The following LEMD3 variants were observed in gnomAD, a reference collection of about 807,000 sequenced individuals.
The protein encoded by LEMD3 is inner nuclear membrane protein Man1.
A neutral mutation model predicts 95.2 loss-of-function variants in LEMD3; 33 were observed. The ratio of observed to expected loss-of-function variants is 0.35; its 90% CI spans 0.26 to 0.46. The LOEUF (loss-of-function observed/expected upper bound fraction) is 0.46. Ranked by LOEUF, LEMD3 falls within the 20% of genes least tolerant of loss-of-function variation. The pLI is 1.00. For synonymous variants in LEMD3, 525 were observed against 474.6 expected, an observed-to-expected ratio of 1.11 and a Z score of -1.38; for missense variants, 1,210 against 1,192.8, an observed-to-expected ratio of 1.01 and a Z score of -0.21.
rs1185747176 is a variant in LEMD3, at chr12:65,238,361, TC to T, written c.1696-140del. 5 of 627,702 alleles carry T rather than the reference TC, an allele frequency of 8.0e-6. No individual in the cohort carries two copies. In the East Asian group the frequency reaches 8.5e-5, roughly 11 times the overall value. The allele number at this position is 627,702 out of a possible 1,614,324, so 38.9% of individuals were successfully genotyped here. A position where few individuals can be genotyped will look rare whatever the true frequency, so the allele number is the denominator to read the frequency against. On this transcript the variant is annotated intron_variant, in intron 4 of 12. Coordinates refer to ENST00000308330, the MANE Select transcript of LEMD3 (RefSeq NM_014319.5). ...TAACTTTTTTTTTCTTTTTTCTCAT[TC>T]TTTTTAAAATTTTCTGTAATGAATA... is the stretch of plus-strand genomic sequence containing the variant.
chr12:65,238,165 C>G (rs1040483279), intron 4 of LEMD3, among the ~76,000 whole-genome samples: 1 of 152,104 alleles, frequency 6.6e-6, no homozygotes, highest in African/African-American at 2.4e-5. Context: ...ATCCCAACTA[C>G]TTGGGAGGCT....
chr12:65,218,558 A>G lies in LEMD3; in HGVS notation c.1634A>G (p.His545Arg). 1 of 1,601,912 alleles carries G rather than the reference A, an allele frequency of 6.2e-7. No individual in the cohort carries two copies. Among genetic ancestry groups the G allele is most frequent in the Non-Finnish European group, 8.5e-7 (1 of 1,171,166 alleles). Residue 545 changes from histidine (H) to arginine (R), a missense_variant, in exon 4 of 13, where the codon CAT (histidine) becomes CGT (arginine). Coordinates refer to ENST00000308330, the MANE Select transcript of LEMD3 (RefSeq NM_014319.5). ...HDRLAQLAGD[H>R]ECGSSSQRTL... ...AATATGCTAATCTTTCCAGGAGATCATGAATGTGGCAGTTCTAGTCAAAGA... is the reference window on the plus strand; with the variant it reads ...AATATGCTAATCTTTCCAGGAGATCGTGAATGTGGCAGTTCTAGTCAAAGA...
chr12:65,228,229 C>T (rs1456062364), intron 4 of LEMD3, among the ~76,000 whole-genome samples: 1 of 151,944 alleles, frequency 6.6e-6, no homozygotes, highest in East Asian at 1.9e-4. Flanking sequence ...CTAAGCCAGG[C>T]AGCAATAGAG....
Position 65,170,933 on chromosome 12 carries a change from T to C in LEMD3, c.1337T>C (p.Leu446Pro). The C allele has an allele frequency of 6.2e-7, 1 of 1,614,206 alleles. No homozygotes were observed. The highest frequency in any genetic ancestry group is 8.5e-7 in the Non-Finnish European group (1 of 1,180,042). Residue 446 changes from leucine to proline, a missense_variant, in exon 1 of 13, where the codon CTT becomes CCT. By Grantham distance (98) the Leu-to-Pro change is moderately conservative. Around this residue, in one of 2 missense-constraint regions of LEMD3, gnomAD observed 749 missense variants for 622.9 expected, o/e 1.20. Transcript: ENST00000308330. The part of the protein sequence containing the change: ...YLKNTYNKPK[L>P]SEPEEELLQQ... ...AAAAACACATACAACAAACCGAAGC[T>C]TTCCGAACCCGAAGAGGAACTTCTC...
intron 4 of LEMD3, among the ~76,000 whole-genome samples, chr12:65,230,529 G>A (rs1007427344): frequency 7.2e-5 from 11 of 151,910 alleles, no homozygotes; most frequent in African/African-American, 2.4e-4. Flanking sequence ...TGTAGCTATT[G>A]TAAGTAGAAC....
At chr12:65,242,923 A>G (rs1870978627) in intron 9 of LEMD3, among the ~76,000 whole-genome samples, 3 of 152,122 alleles carry the variant, frequency 2.0e-5, no homozygotes, top group African/African-American at 7.2e-5. Context: ...ATAATCTGAC[A>G]TCTTCTGTAG....
At chr12:65,185,042 T>G (rs1301722340) in intron 1 of LEMD3, among the ~76,000 whole-genome samples, 1 of 152,022 alleles carries the variant, frequency 6.6e-6, no homozygotes, top group Non-Finnish European at 1.5e-5. Context: ...AAGTAATTAC[T>G]CGGGCCTTGG....
intron 2 of LEMD3, among the ~76,000 whole-genome samples, chr12:65,211,527 G>C (rs1217003551): frequency 6.6e-6 from 1 of 152,042 alleles, no homozygotes; most frequent in Non-Finnish European, 1.5e-5. Flanking sequence ...TCATTACAGG[G>C]ACTTCAGAGA....
At chr12:65,216,221 T>A (rs1870106226) in intron 3 of LEMD3, among the ~76,000 whole-genome samples, 178 bp downstream of exon 3, 1 of 151,830 alleles carries the variant, frequency 6.6e-6, no homozygotes, top group Non-Finnish European at 1.5e-5. Context: ...AATGAAGGCT[T>A]TTTTCCTGCC....
chr12:65,243,978 G>T lies in LEMD3; in HGVS notation c.2387+509G>T, dbSNP rs575606732. The stretch of plus-strand genomic sequence containing the variant: ...AGACTTTATAATTCCAACAACATAT[G>T]CTTCCAGAGAATAGCACAGTCAAAA... On this transcript the variant is annotated intron_variant, in intron 10 of 12. Coordinates refer to ENST00000308330, the MANE Select transcript of LEMD3 (RefSeq NM_014319.5). 1.2e-3 allele frequency among the ~76,000 whole-genome samples: 187 copies of T among 152,276 alleles called. 2 individuals carry two copies. Among genetic ancestry groups the T allele is most frequent in the African/African-American group, 4.4e-3 (183 of 41,560 alleles).
At chr12:65,210,181 T>C (rs1304687443) in intron 1 of LEMD3, among the ~76,000 whole-genome samples, 3 of 152,056 alleles carry the variant, frequency 2.0e-5, no homozygotes, top group African/African-American at 7.2e-5. Context: ...TTCCTTATTA[T>C]GTAATATTTT....
chr12:65,190,663 G>A (rs1425149024), intron 1 of LEMD3, among the ~76,000 whole-genome samples: 1 of 152,126 alleles, frequency 6.6e-6, no homozygotes, highest in Non-Finnish European at 1.5e-5. Flanking sequence ...ATGTATAAAA[G>A]CAAGCTGTAC....
chr12:65,219,481 G>A (rs771662390), intron 4 of LEMD3, among the ~76,000 whole-genome samples: 1 of 152,188 alleles, frequency 6.6e-6, no homozygotes, highest in Non-Finnish European at 1.5e-5. Context: ...AAATGGAAAC[G>A]TTGATCCCTG....
chr12:65,197,945 C>A (rs1362097456), intron 1 of LEMD3, among the ~76,000 whole-genome samples: 1 of 152,114 alleles, frequency 6.6e-6, no homozygotes. Context: ...TGGAGATAAT[C>A]ATTGAAGATG....
intron 6 of LEMD3, among the ~76,000 whole-genome samples, chr12:65,239,088 G>A (rs1412762610): frequency 3.3e-5 from 5 of 151,992 alleles, no homozygotes; most frequent in African/African-American, 1.2e-4. Context: ...TTAGAAAGTA[G>A]AATTGAAAAA....
chr12:65,175,575 TC>T (rs1214038088), intron 1 of LEMD3, among the ~76,000 whole-genome samples: 4 of 152,200 alleles, frequency 2.6e-5, no homozygotes, highest in Non-Finnish European at 4.4e-5. Context: ...CATGAAACTT[TC>T]TCCTTTCTAA....
intron 8 of LEMD3, 133 bp from the exon 9 acceptor site, chr12:65,240,776 C>G: frequency 1.3e-6 from 1 of 777,504 alleles, no homozygotes; most frequent in Non-Finnish European, 2.2e-6. Flanking sequence ...ATATAGGCAT[C>G]TAAATCTTCT....
chr12:65,201,999 G>A (rs928382857), intron 1 of LEMD3, among the ~76,000 whole-genome samples: 2 of 149,422 alleles, frequency 1.3e-5, no homozygotes, highest in African/African-American at 2.5e-5. Flanking sequence ...TTTTTGATGC[G>A]TGGGTATTGA....
chr12:65,182,685 A>G (rs1455497720), intron 1 of LEMD3, among the ~76,000 whole-genome samples: 1 of 152,168 alleles, frequency 6.6e-6, no homozygotes, highest in Non-Finnish European at 1.5e-5. Context: ...CTTGCTGATC[A>G]CTAAAAGGTA....
Sources: gnomAD v4.1 joint callset for allele counts (sites outside exome capture counted in the v4.1 genomes callset) on GRCh38, gnomAD v4.1.1 for gene constraint, gnomAD v4.1.1 regional missense constraint, MANE v1.5 for transcripts, NCBI Gene and HGNC (gene_info 2026-07-23, HGNC 2026-07-21) for gene names.